Variants in FOXN3 observed in about 807,000 individuals in gnomAD.
FOXN3 encodes forkhead box protein N3.
A neutral mutation model predicts 38.4 loss-of-function variants in FOXN3; 7 were observed. The observed-to-expected ratio is 0.18, with a 90% CI of 0.10 to 0.34. The LOEUF is 0.34. FOXN3 is among the 10% of genes least tolerant of loss of function. FOXN3 has a pLI of 1.00. For synonymous variants in FOXN3, 230 were observed against 242.2 expected, an observed-to-expected ratio of 0.95 and a Z score of 0.47; for missense variants, 456 against 613.4, an observed-to-expected ratio of 0.74 and a Z score of 2.71.
At chr14:89,536,959 G>A (rs913662131) in intron 1 of FOXN3, among the ~76,000 whole-genome samples, 1 of 152,118 alleles carries the variant, frequency 6.6e-6, no homozygotes, top group Non-Finnish European at 1.5e-5. Context: ...ATGACCCCTT[G>A]ATTATATCTT....
Position 89,436,451 on chromosome 14 carries a change from G to C in FOXN3, c.-14-23961C>G, listed in dbSNP as rs148178884. On this transcript the variant is annotated intron_variant, in intron 1 of 6. Transcript: ENST00000345097. ...GTCACATGTTAGGGTGCACATTTGT[G>C]GTTTCCTCTCCAGTATCTATTTTTC... Among the ~76,000 whole-genome samples the C allele has an allele frequency of 1.5e-3, 234 of 152,266 alleles. 1 individual carries two copies. Among genetic ancestry groups the C allele is most frequent in the Admixed American group, 2.7e-3 (41 of 15,284 alleles).
At chr14:89,554,074 T>G (rs1895063774) in intron 1 of FOXN3, among the ~76,000 whole-genome samples, 1 of 152,124 alleles carries the variant, frequency 6.6e-6, no homozygotes, top group Admixed American at 6.5e-5. Context: ...CGATCTCATA[T>G]CACTGCAACC....
intron 2 of FOXN3, among the ~76,000 whole-genome samples, chr14:89,392,236 T>C (rs1890968275): frequency 6.6e-6 from 1 of 152,226 alleles, no homozygotes; most frequent in Admixed American, 6.5e-5. Flanking sequence ...AGCACCTCTC[T>C]GGATCGTTCC....
chr14:89,354,803 T>G (rs566925409), intron 2 of FOXN3, among the ~76,000 whole-genome samples: 36 of 151,574 alleles, frequency 2.4e-4, no homozygotes, highest in Non-Finnish European at 4.6e-4. Flanking sequence ...TGCAGTGAGC[T>G]GAGATCGTGC....
intron 2 of FOXN3, among the ~76,000 whole-genome samples, chr14:89,375,917 A>T (rs1890465306): frequency 6.6e-6 from 1 of 152,088 alleles, no homozygotes; most frequent in Admixed American, 6.6e-5. Flanking sequence ...AGTAGCTGAG[A>T]TTACAGGTGC....
Position 89,562,201 on chromosome 14 carries a change from A to G in FOXN3, c.-15+56827T>C, listed in dbSNP as rs372758767. 9.2e-5 allele frequency among the ~76,000 whole-genome samples: 14 copies of G among 152,314 alleles called. 1 individual carries two copies. The East Asian group carries it at 2.7e-3, about 29-fold the overall frequency. ...ATTTTAAGCAACATACTAAAATTTT[A>G]CTTCCAAGTTGTCGTCTGCAGGGTT... On this transcript the variant is annotated intron_variant, in intron 1 of 6. Transcript: ENST00000345097.
intron 1 of FOXN3, among the ~76,000 whole-genome samples, chr14:89,563,849 G>A (rs1895296168): frequency 6.6e-6 from 1 of 152,120 alleles, no homozygotes. Context: ...AAGCTTTCCA[G>A]AAGGTTTTGG....
intron 3 of FOXN3, among the ~76,000 whole-genome samples, chr14:89,294,690 C>T (rs1254114730): frequency 6.6e-6 from 1 of 152,188 alleles, no homozygotes; most frequent in African/African-American, 2.4e-5. Context: ...CACTGCTACA[C>T]TCCCACAGCA....
At chr14:89,174,741 G>A (rs1887477557) in intron 5 of FOXN3, among the ~76,000 whole-genome samples, 1 of 152,160 alleles carries the variant, frequency 6.6e-6, no homozygotes, top group African/African-American at 2.4e-5. Context: ...CGCTGAAATG[G>A]GCCCAGGAGG....
At chr14:89,549,988 T>C (rs1894968406) in intron 1 of FOXN3, among the ~76,000 whole-genome samples, 1 of 152,176 alleles carries the variant, frequency 6.6e-6, no homozygotes, top group Non-Finnish European at 1.5e-5. Flanking sequence ...CTGTGAGCCA[T>C]GGTAATGCAT....
At position 89,236,238 on chromosome 14, in the gene FOXN3, G is replaced by A. The variant is rs566025081; in HGVS notation, c.745+44712C>T. Among the ~76,000 whole-genome samples the A allele has an allele frequency of 4.5e-4, 69 of 152,182 alleles. 1 individual carries two copies. The highest frequency in any genetic ancestry group is 4.9e-4 in the Non-Finnish European group (33 of 68,036). On this transcript the variant is annotated intron_variant, in intron 4 of 5. Transcript: ENST00000557258. ...AGCCTTTGAGAGTAGCATGCAGGCC[G>A]GGCACGGTGGCTCATGCCTGTAATC...
intron 2 of FOXN3, among the ~76,000 whole-genome samples, chr14:89,393,561 C>T (rs1257115164): frequency 1.3e-5 from 2 of 152,158 alleles, no homozygotes; most frequent in Admixed American, 1.3e-4. Context: ...TCTCCCATGG[C>T]CACATGGCGG....
chr14:89,291,392 G>A, intron 3 of FOXN3: 1 of 602,528 alleles, frequency 1.7e-6, no homozygotes, highest in South Asian at 1.4e-5. Context: ...CATGTCACCA[G>A]CAAGGATGCT....
intron 3 of FOXN3, among the ~76,000 whole-genome samples, chr14:89,289,413 T>C (rs1204858745): frequency 6.6e-6 from 1 of 152,080 alleles, no homozygotes; most frequent in African/African-American, 2.4e-5. Context: ...TTAGAAGACA[T>C]CTGACATTTA....
intron 2 of FOXN3, among the ~76,000 whole-genome samples, chr14:89,381,532 C>CAAAAAAA (rs71897384): frequency 4.3e-4 from 33 of 75,918 alleles, no homozygotes; most frequent in East Asian, 7.9e-4. Context: ...CCTCAAAAAG[C>CAAAAAAA]AAAAAAAAAA....
At chr14:89,193,727 T>C (rs1194572315) in intron 4 of FOXN3, among the ~76,000 whole-genome samples, 1 of 152,246 alleles carries the variant, frequency 6.6e-6, no homozygotes, top group African/African-American at 2.4e-5. Flanking sequence ...ACCTGTGTTT[T>C]CATTTCTCTT....
chr14:89,242,348 T>A (rs1885165735), intron 4 of FOXN3, among the ~76,000 whole-genome samples: 1 of 152,064 alleles, frequency 6.6e-6, no homozygotes, highest in African/African-American at 2.4e-5. Context: ...CTAAACTTGT[T>A]GCTTTCTGTT....
intron 1 of FOXN3, among the ~76,000 whole-genome samples, chr14:89,546,796 T>A (rs768704803): frequency 6.6e-6 from 1 of 151,954 alleles, no homozygotes; most frequent in Non-Finnish European, 1.5e-5. Flanking sequence ...CAAACATTCA[T>A]ATATACACAC....
At chr14:89,611,805 CAAAAAAAAA>C (rs56373132) in intron 1 of FOXN3, among the ~76,000 whole-genome samples, 2 of 89,302 alleles carry the variant, frequency 2.2e-5, no homozygotes, top group Non-Finnish European at 2.2e-5. Flanking sequence ...GACTCCGTCT[CAAAAAAAAA>C]AAAAAAAAAA....
Sources: gnomAD v4.1 joint callset for allele counts (sites outside exome capture counted in the v4.1 genomes callset) on GRCh38, gnomAD v4.1.1 for gene constraint, MANE v1.5 for transcripts, NCBI Gene and HGNC (gene_info 2026-07-23, HGNC 2026-07-21) for gene names.